Variants in RABGAP1L observed in about 807,000 individuals in gnomAD.
The protein encoded by RABGAP1L is rab GTPase-activating protein 1-like.
A neutral mutation model predicts 137.7 loss-of-function variants in RABGAP1L; 63 were observed. The observed-to-expected ratio is 0.46, with a 90% confidence interval of 0.37 to 0.56. The LOEUF is 0.56. Ranked by LOEUF, RABGAP1L falls within the 20% of genes least tolerant of loss-of-function variation. The probability of loss-of-function intolerance (pLI) is 0.00; values close to 1 mark genes in which losing one functional copy is unlikely to be tolerated. For missense variants in RABGAP1L, 1,095 were observed against 1,244.0 expected, an observed-to-expected ratio of 0.88 and a Z score of 1.80; for synonymous variants, 431 against 433.7, an observed-to-expected ratio of 0.99 and a Z score of 0.08.
intron 13 of RABGAP1L, among the ~76,000 whole-genome samples, chr1:174,422,046 G>A (rs1294264546): frequency 6.6e-6 from 1 of 152,166 alleles, no homozygotes; most frequent in African/African-American, 2.4e-5. Flanking sequence ...TGGGATTACA[G>A]GTGTGAGCCA....
intron 19 of RABGAP1L, among the ~76,000 whole-genome samples, chr1:174,915,303 T>A (rs1660673918): frequency 6.6e-6 from 1 of 152,214 alleles, no homozygotes; most frequent in Non-Finnish European, 1.5e-5. Flanking sequence ...TGTATAAGGA[T>A]TCCAGTTTCT....
At chr1:174,523,874 G>A (rs1217051456) in intron 13 of RABGAP1L, among the ~76,000 whole-genome samples, 1 of 152,146 alleles carries the variant, frequency 6.6e-6, no homozygotes, top group African/African-American at 2.4e-5. Context: ...ACATATGAGT[G>A]AGAACATATG....
intron 1 of RABGAP1L, among the ~76,000 whole-genome samples, chr1:174,160,476 C>T (rs538278496): frequency 6.6e-6 from 1 of 152,124 alleles, no homozygotes; most frequent in Non-Finnish European, 1.5e-5. Context: ...GCAGTGTGTC[C>T]AGGTCCTTGG....
At chr1:174,416,599 A>G (rs1006703607) in intron 13 of RABGAP1L, among the ~76,000 whole-genome samples, 3 of 152,164 alleles carry the variant, frequency 2.0e-5, no homozygotes, top group Admixed American at 6.5e-5. Context: ...TGCTGCTTAC[A>G]TATAATCCTA....
chr1:174,497,364 G>C (rs1660840065), intron 13 of RABGAP1L, among the ~76,000 whole-genome samples: 1 of 152,178 alleles, frequency 6.6e-6, no homozygotes, highest in Non-Finnish European at 1.5e-5. Flanking sequence ...TGCTGTATAT[G>C]AGGAAACTGC....
chr1:174,231,305 C>T lies in RABGAP1L; in HGVS notation c.492C>T (p.Tyr164=), dbSNP rs779652413. ...AMATMKSSSQ[Y]PFPVTLYVPN... ...CAACCATGAAATCTTCCAGTCAATA[C>T]CCCTTTCCTGTTACCCTGTATGTAC... Residue 164 remains tyrosine (Y), a synonymous_variant, in exon 4 of 26, where the codon TAC becomes TAT. Transcript: ENST00000681986. The T allele has an allele frequency of 1.2e-6, 2 of 1,613,936 alleles. No homozygotes were observed. The highest frequency in any genetic ancestry group is 1.7e-5 in the Admixed American group (1 of 59,982).
At chr1:174,818,061 T>C (rs920753821) in intron 19 of RABGAP1L, among the ~76,000 whole-genome samples, 26 of 152,238 alleles carry the variant, frequency 1.7e-4, no homozygotes, top group African/African-American at 6.3e-4. Flanking sequence ...CATATCCAAG[T>C]AGATATAAAT....
intron 5 of RABGAP1L, among the ~76,000 whole-genome samples, chr1:174,249,606 T>A (rs960890794): frequency 6.6e-6 from 1 of 151,940 alleles, no homozygotes; most frequent in African/African-American, 2.4e-5. Flanking sequence ...GATAGCTTTT[T>A]TTTTTTTTAA....
At chr1:174,803,591 A>G (rs1688960879) in intron 18 of RABGAP1L, among the ~76,000 whole-genome samples, 1 of 152,134 alleles carries the variant, frequency 6.6e-6, no homozygotes, top group African/African-American at 2.4e-5. Context: ...AGTGAAGATA[A>G]GAAAGAGAAT....
At chr1:174,364,787 A>G (rs1390398328) in intron 11 of RABGAP1L, among the ~76,000 whole-genome samples, 3 of 151,994 alleles carry the variant, frequency 2.0e-5, no homozygotes, top group Admixed American at 2.0e-4. Flanking sequence ...TCAATGGTGT[A>G]CTCCATGGGT....
At chr1:174,385,933 T>C (rs911731639) in intron 12 of RABGAP1L, among the ~76,000 whole-genome samples, 13 of 152,164 alleles carry the variant, frequency 8.5e-5, no homozygotes, top group Admixed American at 2.0e-4. Context: ...GAGGACACAT[T>C]AGTAAGTGGA....
chr1:174,953,035 C>CAAAAA (rs34788853), intron 19 of RABGAP1L, among the ~76,000 whole-genome samples: 2 of 97,338 alleles, frequency 2.1e-5, no homozygotes, highest in Non-Finnish European at 2.2e-5. Context: ...GGGTGGCATG[C>CAAAAA]AAAAAAAAAA....
intron 19 of RABGAP1L, among the ~76,000 whole-genome samples, chr1:174,836,409 C>T (rs1295760807): frequency 1.3e-5 from 2 of 152,102 alleles, no homozygotes; most frequent in African/African-American, 4.8e-5. Context: ...TATTTCTTTC[C>T]ACCTGCTAAT....
chr1:174,821,434 G>A (rs1441434823), intron 19 of RABGAP1L, among the ~76,000 whole-genome samples: 1 of 152,080 alleles, frequency 6.6e-6, no homozygotes, highest in Non-Finnish European at 1.5e-5. Context: ...ATATTGTGCT[G>A]GACTATTTTC....
intron 18 of RABGAP1L, among the ~76,000 whole-genome samples, chr1:174,795,384 T>G (rs1046784400): frequency 7.9e-5 from 12 of 152,166 alleles, no homozygotes; most frequent in Non-Finnish European, 1.6e-4. Context: ...GGAGAGGAGA[T>G]GGCACCAAGA....
At chr1:174,209,080 G>T (rs747527922) in intron 1 of RABGAP1L, among the ~76,000 whole-genome samples, 4 of 152,182 alleles carry the variant, frequency 2.6e-5, no homozygotes, top group Non-Finnish European at 5.9e-5. Context: ...ACTCAACCTA[G>T]ATCCCTCACA....
intron 13 of RABGAP1L, among the ~76,000 whole-genome samples, chr1:174,635,442 C>T (rs1250698142): frequency 1.3e-5 from 2 of 152,040 alleles, no homozygotes; most frequent in Non-Finnish European, 2.9e-5. Flanking sequence ...TGCCTGGTTA[C>T]CAGATTTTTG....
intron 19 of RABGAP1L, among the ~76,000 whole-genome samples, chr1:174,871,873 G>A (rs552378210): frequency 6.6e-6 from 1 of 152,310 alleles, no homozygotes; most frequent in East Asian, 1.9e-4. Flanking sequence ...TTCATTTTGA[G>A]TGATAACAAA....
At chr1:174,536,169 A>AT (rs1208060950) in intron 13 of RABGAP1L, among the ~76,000 whole-genome samples, 9 of 152,094 alleles carry the variant, frequency 5.9e-5, no homozygotes, top group Non-Finnish European at 1.3e-4. Flanking sequence ...CACTTGGAAC[A>AT]TTCATTCAAA....
Sources: gnomAD v4.1 joint callset for allele counts (sites outside exome capture counted in the v4.1 genomes callset) on GRCh38, gnomAD v4.1.1 for gene constraint, MANE v1.5 for transcripts, NCBI Gene and HGNC (gene_info 2026-07-23, HGNC 2026-07-21) for gene names.